Variants in ZBTB20 observed in about 807,000 individuals in gnomAD.
The protein encoded by ZBTB20 is zinc finger and BTB domain containing 20, also known as zinc finger and BTB domain-containing protein 20.
In ZBTB20, 9 loss-of-function variants were observed where a neutral mutation model predicts 56.9. The ratio of observed to expected loss-of-function variants is 0.16; its 90% confidence interval spans 0.10 to 0.28. The LOEUF is 0.28. ZBTB20 is among the 10% of genes least tolerant of loss of function. The pLI is 1.00. For synonymous variants in ZBTB20, 417 were observed against 420.7 expected, an observed-to-expected ratio of 0.99 and a Z score of 0.11; for missense variants, 655 against 1,003.0, an observed-to-expected ratio of 0.65 and a Z score of 4.69.
intron 4 of ZBTB20, among the ~76,000 whole-genome samples, chr3:114,819,966 T>C (rs1444288641): frequency 6.6e-6 from 1 of 151,930 alleles, no homozygotes; most frequent in Non-Finnish European, 1.5e-5. Flanking sequence ...AAACTAGTTA[T>C]TTTGCCTGCA....
At position 114,320,193 on chromosome 3, in the gene ZBTB20, A is replaced by AT. The variant is rs1198941284; in HGVS notation, c.*18811dup. 5 of 151,620 alleles carry AT rather than the reference A, an allele frequency of 3.3e-5. No homozygotes were observed. The highest frequency in any genetic ancestry group is 9.7e-5 in the African/African-American group (4 of 41,226). 9.4% of individuals were successfully genotyped at this position (151,620 alleles called of 1,614,324 possible). A position where few individuals can be genotyped will look rare whatever the true frequency, so the allele number is the denominator to read the frequency against. Reference sequence around the variant, plus strand: ...TTGTATGTGTATTCAGTACAAATATATTTTTTTCATAGCTGTTTTCCCCTG... The same window carrying AT: ...TTGTATGTGTATTCAGTACAAATATATTTTTTTTCATAGCTGTTTTCCCCTG... On this transcript the variant is annotated 3_prime_UTR_variant, in exon 12 of 12. Transcript: ENST00000675478.
intron 6 of ZBTB20, among the ~76,000 whole-genome samples, chr3:114,632,268 T>C (rs897401282): frequency 2.0e-5 from 3 of 152,208 alleles, no homozygotes; most frequent in Non-Finnish European, 4.4e-5. Flanking sequence ...GTTATCCTTA[T>C]GATTTCCTTT....
chr3:114,950,205 T>C (rs2077019245), intron 3 of ZBTB20, among the ~76,000 whole-genome samples: 1 of 152,170 alleles, frequency 6.6e-6, no homozygotes, highest in Admixed American at 6.5e-5. Flanking sequence ...CTGCAAATAG[T>C]ACCCAATCCT....
At chr3:114,363,229 G>T (rs922089726) in intron 10 of ZBTB20, among the ~76,000 whole-genome samples, 1 of 152,074 alleles carries the variant, frequency 6.6e-6, no homozygotes, top group African/African-American at 2.4e-5. Flanking sequence ...TCAACAGAGG[G>T]GACTGTGATC....
intron 7 of ZBTB20, among the ~76,000 whole-genome samples, chr3:114,449,407 C>T (rs910463947): frequency 1.3e-5 from 2 of 151,952 alleles, no homozygotes; most frequent in African/African-American, 2.4e-5. Flanking sequence ...TGGTAAGAAT[C>T]GATAAGAATG....
chr3:114,696,846 T>C (rs2063059256), intron 5 of ZBTB20, among the ~76,000 whole-genome samples: 1 of 151,952 alleles, frequency 6.6e-6, no homozygotes, highest in Admixed American at 6.6e-5. Flanking sequence ...TTATTGTACA[T>C]TTGAGACATT....
intron 5 of ZBTB20, chr3:114,792,051 G>A (rs564829935): frequency 3.3e-5 from 5 of 152,194 alleles, no homozygotes; most frequent in African/African-American, 1.2e-4. Context: ...CCTGAGAAAC[G>A]TGTGCCCAAT....
Position 114,351,852 on chromosome 3 carries a change from C to G in ZBTB20, c.226G>C (p.Glu76Gln). ...TGAAGGTTGATGCTGTGAATGCGCT[C>G]GGTCATCCCCTTGCAACTGATGTCA... ...DCDISCKGMT[E>Q]RIHSINLHNF... Residue 76 changes from glutamate to glutamine, a missense_variant, in exon 11 of 12, where the codon GAG (glutamate) becomes CAG (glutamine). Glu to Gln is a conservative substitution (Grantham distance 29). Coordinates refer to ENST00000675478, the MANE Select transcript of ZBTB20 (RefSeq NM_001348800.3). The G allele has an allele frequency of 6.3e-7, 1 of 1,597,438 alleles. No homozygotes were observed. The highest frequency in any genetic ancestry group is 8.6e-7 in the Non-Finnish European group (1 of 1,167,204).
At chr3:115,031,430 G>A (rs150908288) in intron 2 of ZBTB20, among the ~76,000 whole-genome samples, 14 of 151,382 alleles carry the variant, frequency 9.2e-5, no homozygotes, top group Admixed American at 3.3e-4. Context: ...TATATGCAAC[G>A]TGCCAAATTA....
chr3:114,525,408 C>A (rs774298981), intron 6 of ZBTB20, among the ~76,000 whole-genome samples: 2 of 152,138 alleles, frequency 1.3e-5, no homozygotes, highest in Non-Finnish European at 2.9e-5. Flanking sequence ...AAAGTCATTT[C>A]ACTACTCCCC....
intron 2 of ZBTB20, among the ~76,000 whole-genome samples, chr3:115,021,536 C>A (rs2080205213): frequency 6.6e-6 from 1 of 150,954 alleles, no homozygotes; most frequent in South Asian, 2.1e-4. Flanking sequence ...TGATGTCCTA[C>A]ATTGTAAAGG....
At chr3:114,791,217 T>C (rs1270585080) in intron 5 of ZBTB20, among the ~76,000 whole-genome samples, 2 of 152,190 alleles carry the variant, frequency 1.3e-5, no homozygotes, top group Admixed American at 1.3e-4. Flanking sequence ...GATAGCCCCA[T>C]ACTCTTTCCT....
intron 4 of ZBTB20, among the ~76,000 whole-genome samples, chr3:114,850,741 T>C (rs1399813875): frequency 6.6e-6 from 1 of 152,210 alleles, no homozygotes; most frequent in African/African-American, 2.4e-5. Context: ...AATTTAAAAC[T>C]GTATATTCCC....
At chr3:114,492,149 C>A (rs1257448851) in intron 7 of ZBTB20, among the ~76,000 whole-genome samples, 2 of 152,058 alleles carry the variant, frequency 1.3e-5, no homozygotes, top group African/African-American at 2.4e-5. Flanking sequence ...CTCTTCAAGT[C>A]TCAGTTTAGG....
chr3:114,967,195 C>T (rs757032808), intron 3 of ZBTB20, among the ~76,000 whole-genome samples: 11 of 152,024 alleles, frequency 7.2e-5, no homozygotes, highest in Non-Finnish European at 1.5e-4. Context: ...CACAGTTTAG[C>T]ACAAAATGAG....
At chr3:115,124,009 A>G (rs2084253753) in intron 1 of ZBTB20, among the ~76,000 whole-genome samples, 2 of 152,206 alleles carry the variant, frequency 1.3e-5, no homozygotes, top group Admixed American at 1.3e-4. Context: ...TAAAATTAGG[A>G]TAATAATGTT....
At chr3:114,662,483 C>G (rs112182692) in intron 6 of ZBTB20, among the ~76,000 whole-genome samples, 1,812 of 144,386 alleles carry the variant, frequency 0.013, 18 homozygotes, top group African/African-American at 0.042. Context: ...TCGCCACACT[C>G]ACTTCCACAA....
chr3:114,384,122 CTCTCTCAT>C (rs1337582523), intron 8 of ZBTB20, among the ~76,000 whole-genome samples: 1 of 146,988 alleles, frequency 6.8e-6, no homozygotes, highest in Admixed American at 6.7e-5. Context: ...CTCTCTCTCT[CTCTCTCAT>C]TCTCTCTCTC....
In ZBTB20 at chr3:114,896,894, G is replaced by C. The variant is rs530215155; in HGVS notation, c.-417+3410C>G. Among the ~76,000 whole-genome samples the C allele has an allele frequency of 8.5e-5, 13 of 152,132 alleles. No individual in the cohort carries two copies. In the South Asian group the frequency reaches 2.7e-3, roughly 32 times the overall value. ...ATCTTCTAAGGCCAGGGAAGCAGAG[G>C]TAACTTTGTATAGAACCTCTGAGTA... On this transcript the variant is annotated intron_variant, in intron 4 of 11. Transcript: ENST00000675478.
Sources: allele counts gnomAD v4.1 joint callset (sites outside exome capture counted in the v4.1 genomes callset), GRCh38; gene constraint gnomAD v4.1.1; transcripts MANE v1.5; gene names NCBI Gene and HGNC (gene_info 2026-07-23, HGNC 2026-07-21).